The following ZSCAN29 variants were observed in gnomAD, a reference collection of about 807,000 sequenced individuals.
ZSCAN29 encodes zinc finger and SCAN domain-containing protein 29.
In ZSCAN29, 55 loss-of-function variants were observed where a neutral mutation model predicts 71.9. The observed-to-expected ratio is 0.76, with a 90% CI of 0.62 to 0.96. The LOEUF is 0.96. Among genes scored for constraint, ZSCAN29 ranks in the 40% least tolerant of loss-of-function variants. The probability of loss-of-function intolerance (pLI) is 0.00; values close to 1 mark genes in which losing one functional copy is unlikely to be tolerated. For missense variants in ZSCAN29, 1,042 were observed against 1,042.2 expected (o/e 1.00, Z 0.00); for synonymous variants, 351 against 371.6 (o/e 0.94, Z 0.64).
At position 43,366,115 on chromosome 15, in the gene ZSCAN29, G is replaced by T. The variant is rs752082508; in HGVS notation, c.1217C>A (p.Pro406Gln). The T allele has an allele frequency of 6.3e-7, 1 of 1,593,062 alleles. No individual in the cohort carries two copies. The highest frequency in any genetic ancestry group is 8.5e-7 in the Non-Finnish European group (1 of 1,169,986). The change falls in exon 4 of 6, where the codon CCA becomes CAA. Residue 406 changes from proline (P) to glutamine (Q), a missense_variant. Pro to Gln is a moderately conservative substitution (Grantham distance 76). Transcript: ENST00000684362. The part of the protein sequence containing the change: ...NSAAPVVFRS[P>Q]GGVHWGYEET... ...CAAGAAGAAAAGCTTCTTACCACCT[G>T]GGCTTCTGAACACAACAGGTGCAGC...
rs745788661 is a variant in ZSCAN29 at position 43,366,405 on chromosome 15, A to C, written c.927T>G (p.Tyr309Ter). Residue 309 changes from tyrosine to a stop codon, truncating the protein, a stop_gained, in exon 4 of 6, where the codon TAT (tyrosine) becomes TAG (stop). Coordinates refer to ENST00000684362, the MANE Select transcript of ZSCAN29 (RefSeq NM_001372080.1). LOFTEE classifies it high-confidence loss of function. ...RTKFKGLQKS[Y>*]RKVKSGHPPE... The stretch of plus-strand genomic sequence containing the variant: ...GTGGGTGGCCGCTCTTGACTTTCCG[A>C]TAGCTCTTCTGGAGACCTTTGAACT... 6.2e-7 allele frequency: 1 copy of C among 1,613,906 alleles called. No individual in the cohort carries two copies. The highest frequency in any genetic ancestry group is 8.5e-7 in the Non-Finnish European group (1 of 1,180,026).
rs1228562039 is a variant in ZSCAN29, at chr15:43,366,650, TTCTA to T, written c.678_681del (p.Asp226GlufsTer104). 3 of 1,614,248 alleles carry T rather than the reference TTCTA, an allele frequency of 1.9e-6. No homozygotes were observed. Among genetic ancestry groups the T allele is most frequent in the East Asian group, 2.2e-5 (1 of 44,892 alleles). ...CAGTGATCCTGTTCCACCCAGCTTC[TTCTA>T]TCTTTCTTGGATGGTAACAGATCAG... On this transcript the variant is annotated frameshift_variant, in exon 4 of 6. Coordinates refer to ENST00000684362, the MANE Select transcript of ZSCAN29 (RefSeq NM_001372080.1). LOFTEE classifies it high-confidence loss of function.
At chr15:43,363,797 T>G in intron 5 of ZSCAN29, 118 bp downstream of exon 5, 2 of 964,082 alleles carry the variant, frequency 2.1e-6, no homozygotes, top group Non-Finnish European at 3.0e-6. Flanking sequence ...ATATGGGTGG[T>G]CACAAGAAGA....
rs760774424 is a variant in ZSCAN29 at position 43,358,876 on chromosome 15, A to G, written c.*2197T>C. 1 of 152,204 alleles carries G rather than the reference A, an allele frequency of 6.6e-6. No individual in the cohort carries two copies. The highest frequency in any genetic ancestry group is 1.5e-5 in the Non-Finnish European group (1 of 68,054). 9.4% of individuals were successfully genotyped at this position (152,204 alleles called of 1,614,324 possible). A position where few individuals can be genotyped will look rare whatever the true frequency, so the allele number is the denominator to read the frequency against. On this transcript the variant is annotated 3_prime_UTR_variant, in exon 6 of 6. Transcript: ENST00000684362. ...TTCTACCACCTCATGGTCTGCTCCTAACACCCATGTTTCAGCTAAGGTGAT... is the reference window on the plus strand; with the variant it reads ...TTCTACCACCTCATGGTCTGCTCCTGACACCCATGTTTCAGCTAAGGTGAT...
In ZSCAN29 at chr15:43,369,001, C is replaced by T. The variant is rs925201934; in HGVS notation, c.445G>A (p.Glu149Lys). ...CCCAGGTCTGGGCTTCTTGCCCTCT[C>T]TTTCTTGGGTACACCCCTGGGCTGG... is the stretch of plus-strand genomic sequence containing the variant. ...EPQPRGVPKKERARSPDLGPQ... is the reference protein window; with the variant it reads ...EPQPRGVPKKKRARSPDLGPQ... The change falls in exon 3 of 6, where the codon GAG (glutamate) becomes AAG (lysine). Residue 149 changes from glutamate (E) to lysine (K), a missense_variant. Transcript: ENST00000684362. The T allele has an allele frequency of 1.9e-6, 3 of 1,613,108 alleles. No individual in the cohort carries two copies. The African/African-American group carries it at 4.0e-5, about 22-fold the overall frequency.
chr15:43,369,567 T>C (rs1346497137), intron 2 of ZSCAN29, 29 bp downstream of exon 2: 1 of 1,594,952 alleles, frequency 6.3e-7, no homozygotes, highest in Non-Finnish European at 8.6e-7. Context: ...TATCACACTT[T>C]TGAATTTGAA....
Position 43,361,733 on chromosome 15 carries a change from C to T in ZSCAN29, c.1899G>A (p.Lys633=), listed in dbSNP as rs2043983793. The change falls in exon 6 of 6, where the codon AAG becomes AAA. Residue 633 remains lysine (K), a synonymous_variant. Coordinates refer to ENST00000684362, the MANE Select transcript of ZSCAN29 (RefSeq NM_001372080.1). ...EKRGKLTLPE[K]SLSEVLSQQR... Reference sequence around the variant, plus strand: ...GTTGACTTAGGACTTCACTTAAGCTCTTCTCCGGGAGTGTCAGTTTTCCTC... The same window carrying T: ...GTTGACTTAGGACTTCACTTAAGCTTTTCTCCGGGAGTGTCAGTTTTCCTC... 2.5e-6 allele frequency: 4 copies of T among 1,614,174 alleles called. No homozygotes were observed. Among genetic ancestry groups the T allele is most frequent in the Non-Finnish European group, 3.4e-6 (4 of 1,180,034 alleles).
chr15:43,359,844 A>T lies in ZSCAN29; in HGVS notation c.*1229T>A, dbSNP rs1347508519. 6.6e-6 allele frequency: 1 copy of T among 152,216 alleles called. No homozygotes were observed. 9.4% of individuals were successfully genotyped at this position (152,216 alleles called of 1,614,324 possible). On this transcript the variant is annotated 3_prime_UTR_variant, in exon 6 of 6. Coordinates refer to ENST00000684362, the MANE Select transcript of ZSCAN29 (RefSeq NM_001372080.1). ...TCTAGGACTCAGAAGAAACTAAGAA[A>T]TCCAGGGTTCACACTTCAGTATAAG...
intron 3 of ZSCAN29, 105 bp from the exon 4 acceptor site, chr15:43,366,913 G>T: frequency 9.0e-7 from 1 of 1,107,794 alleles, no homozygotes; most frequent in South Asian, 1.6e-5. Flanking sequence ...TATAAACAAA[G>T]TGTCTAGGGA....
In ZSCAN29 at chr15:43,366,412, T is replaced by C. The variant is rs2044038331; in HGVS notation, c.920A>G (p.Lys307Arg). ...QCRTKFKGLQ[K>R]SYRKVKSGHP... The stretch of plus-strand genomic sequence containing the variant: ...GCCGCTCTTGACTTTCCGATAGCTC[T>C]TCTGGAGACCTTTGAACTTGGTCCG... The change falls in exon 4 of 6, where the codon AAG becomes AGG. Residue 307 changes from lysine to arginine, a missense_variant. Physicochemically the swap from Lys to Arg is conservative, Grantham distance 26. Coordinates refer to ENST00000684362, the MANE Select transcript of ZSCAN29 (RefSeq NM_001372080.1). 2 of 1,614,080 alleles carry C rather than the reference T, an allele frequency of 1.2e-6. No individual in the cohort carries two copies. Among genetic ancestry groups the C allele is most frequent in the African/African-American group, 2.7e-5 (2 of 74,944 alleles).
At position 43,369,289 on chromosome 15, in the gene ZSCAN29, A is replaced by G. The variant is rs906886228; in HGVS notation, c.319-162T>C. The G allele has an allele frequency of 4.5e-6, 3 of 669,078 alleles. No individual in the cohort carries two copies. The African/African-American group carries it at 5.5e-5, about 12-fold the overall frequency. The allele number at this position is 669,078 out of a possible 1,614,324, so 41.4% of individuals were successfully genotyped here. ...ACAAGGGTCTTATTCCATTGCCATT[A>G]GCTTAAAGCAGTTGAAACTCCAGAA... On this transcript the variant is annotated intron_variant, in intron 2 of 5. Transcript: ENST00000684362.
intron 5 of ZSCAN29, 188 bp downstream of exon 5, chr15:43,363,727 G>A: frequency 1.8e-6 from 1 of 556,752 alleles, no homozygotes; most frequent in East Asian, 2.8e-5. Flanking sequence ...CTCTAGTGTG[G>A]GAAGTCAAGT....
At position 43,366,131 on chromosome 15, in the gene ZSCAN29, C is replaced by T. The variant is rs1706603952; in HGVS notation, c.1201G>A (p.Val401Ile). ...TTACCACCTGGGCTTCTGAACACAACAGGTGCAGCTGAGTTGGGGTCCTGG... is the reference window on the plus strand; with the variant it reads ...TTACCACCTGGGCTTCTGAACACAATAGGTGCAGCTGAGTTGGGGTCCTGG... Reference protein sequence around the residue: ...TPQDPNSAAPVVFRSPGGVHW... With the variant: ...TPQDPNSAAPIVFRSPGGVHW... The change falls in exon 4 of 6, where the codon GTT (valine) becomes ATT (isoleucine). Residue 401 changes from valine (V) to isoleucine (I), a missense_variant. Transcript: ENST00000684362. The T allele has an allele frequency of 6.2e-7, 1 of 1,611,886 alleles. No homozygotes were observed.
In ZSCAN29 at chr15:43,369,981, G is replaced by A; in HGVS notation, c.-68C>T. The A allele has an allele frequency of 6.8e-7, 1 of 1,460,730 alleles. No homozygotes were observed. The highest frequency in any genetic ancestry group is 9.2e-7 in the Non-Finnish European group (1 of 1,090,600). 90.5% of individuals were successfully genotyped at this position (1,460,730 alleles called of 1,614,324 possible). On this transcript the variant is annotated 5_prime_UTR_variant, in exon 2 of 6. Transcript: ENST00000684362. ...CCAGGGCTTACATCTATCTTCCCATGTCCTTGGAGAATCCCCTGCAGATGA... is the reference window on the plus strand; with the variant it reads ...CCAGGGCTTACATCTATCTTCCCATATCCTTGGAGAATCCCCTGCAGATGA...
In ZSCAN29 at chr15:43,358,347, T is replaced by A. The variant is rs1386273974; in HGVS notation, c.*2726A>T. 6.6e-6 allele frequency: 1 copy of A among 152,264 alleles called. No individual in the cohort carries two copies. The highest frequency in any genetic ancestry group is 1.5e-5 in the Non-Finnish European group (1 of 68,020). The allele number at this position is 152,264 out of a possible 1,614,324, so 9.4% of individuals were successfully genotyped here. The stretch of plus-strand genomic sequence containing the variant: ...TTTCCCACGAGACTATACATAGATA[T>A]ACTAAAGACAATACTTTTTTTTTTT... On this transcript the variant is annotated 3_prime_UTR_variant, in exon 6 of 6. Transcript: ENST00000684362.
Position 43,366,527 on chromosome 15 carries a change from G to A in ZSCAN29, c.805C>T (p.Leu269Phe), listed in dbSNP as rs1343903657. The change falls in exon 4 of 6, where the codon CTC (leucine) becomes TTC (phenylalanine). Residue 269 changes from leucine (L) to phenylalanine (F), a missense_variant. Transcript: ENST00000684362. ...ILSQTEFYEA[L>F]RNCHRNSQVY... ...TGGCTGTTCCTATGGCAGTTTCTGAGAGCCTCATAAAACTCAGTCTGGCTG... is the reference window on the plus strand; with the variant it reads ...TGGCTGTTCCTATGGCAGTTTCTGAAAGCCTCATAAAACTCAGTCTGGCTG... The A allele has an allele frequency of 6.2e-7, 1 of 1,614,240 alleles. No homozygotes were observed. Among genetic ancestry groups the A allele is most frequent in the African/African-American group, 1.3e-5 (1 of 75,060 alleles).
At chr15:43,369,186 G>A (rs1270218168) in intron 2 of ZSCAN29, 59 bp from the exon 3 acceptor site, 64 of 1,486,980 alleles carry the variant, frequency 4.3e-5, no homozygotes, top group Admixed American at 2.3e-5. Context: ...ATTCCCAGAG[G>A]AGAGTATTTA....
intron 2 of ZSCAN29, 120 bp from the exon 3 acceptor site, chr15:43,369,247 G>T: frequency 9.5e-7 from 1 of 1,056,618 alleles, no homozygotes; most frequent in Non-Finnish European, 1.3e-6. Context: ...TTGTAGGGGT[G>T]AGGGAGGTTA....
In ZSCAN29 at chr15:43,366,635, G is replaced by A; in HGVS notation, c.697C>T (p.Gln233Ter). The change falls in exon 4 of 6, where the codon CAG (glutamine) becomes TAG (stop). Residue 233 changes from glutamine (Q) to a stop codon, truncating the protein, a stop_gained. Transcript: ENST00000684362. LOFTEE classifies it high-confidence loss of function. ...SKKDRRSWVE[Q>*]DHWSFEDEKV... ...TCATCTTCAAAGCTCCAGTGATCCT[G>A]TTCCACCCAGCTTCTTCTATCTTTC... 6.2e-7 allele frequency: 1 copy of A among 1,614,222 alleles called. No individual in the cohort carries two copies. Among genetic ancestry groups the A allele is most frequent in the African/African-American group, 1.3e-5 (1 of 75,064 alleles).
Sources: allele counts gnomAD v4.1 joint callset, GRCh38; gene constraint gnomAD v4.1.1; transcripts MANE v1.5; gene names NCBI Gene and HGNC (gene_info 2026-07-23, HGNC 2026-07-21).